The following MFHAS1 variants were observed in gnomAD, a reference collection of about 807,000 sequenced individuals.
The protein encoded by MFHAS1 is malignant fibrous histiocytoma-amplified sequence 1.
A neutral mutation model predicts 70.4 loss-of-function variants in MFHAS1; 50 were observed. The ratio of observed to expected loss-of-function variants is 0.71; its 90% CI spans 0.57 to 0.90. The LOEUF (loss-of-function observed/expected upper bound fraction) is 0.90, where lower values mean the gene tolerates loss of function less well. Ranked by LOEUF, MFHAS1 falls within the 40% of genes least tolerant of loss-of-function variation. The probability of loss-of-function intolerance (pLI) is 0.00; values close to 1 mark genes in which losing one functional copy is unlikely to be tolerated. For synonymous variants in MFHAS1, 952 were observed against 620.0 expected (o/e 1.54, Z -7.96); for missense variants, 1,795 against 1,347.6 (o/e 1.33, Z -5.20).
intron 1 of MFHAS1, among the ~76,000 whole-genome samples, chr8:8,845,889 T>C (rs1039123389): frequency 1.9e-4 from 29 of 152,076 alleles, no homozygotes; most frequent in African/African-American, 6.8e-4. Context: ...AAAACCTTTG[T>C]CTTTACCTCT....
At chr8:8,816,156 T>A (rs979791863) in intron 1 of MFHAS1, among the ~76,000 whole-genome samples, 5 of 152,002 alleles carry the variant, frequency 3.3e-5, no homozygotes, top group African/African-American at 1.2e-4. Flanking sequence ...GGGGTGAGGA[T>A]GGGAGCCAGG....
At chr8:8,858,637 G>A (rs980339848) in intron 1 of MFHAS1, among the ~76,000 whole-genome samples, 4 of 152,006 alleles carry the variant, frequency 2.6e-5, no homozygotes, top group Non-Finnish European at 4.4e-5. Context: ...GTCCTCCCTC[G>A]GTATATATAT....
intron 1 of MFHAS1, among the ~76,000 whole-genome samples, chr8:8,810,706 T>C (rs1306036140): frequency 6.6e-6 from 1 of 152,230 alleles, no homozygotes; most frequent in Non-Finnish European, 1.5e-5. Flanking sequence ...CCGTTAAGGC[T>C]TCCAGTCAAC....
At position 8,891,316 on chromosome 8, in the gene MFHAS1, G is replaced by A; in HGVS notation, c.1743C>T (p.Ala581=). ...RLAKVVDEAL[A]RDFELRSASP... ...TGGCAGAGCGCAGCTCGAAGTCCCG[G>A]GCCAGTGCCTCGTCCACCACCTTGG... The change falls in exon 1 of 3, where the codon GCC becomes GCT. Residue 581 remains alanine, a synonymous_variant. Coordinates refer to ENST00000276282, the MANE Select transcript of MFHAS1 (RefSeq NM_004225.3). The surrounding 1 kb of genome is among the most constrained non-coding windows in gnomAD (Gnocchi z 5.4). 6.2e-7 allele frequency: 1 copy of A among 1,611,276 alleles called. No homozygotes were observed. Among genetic ancestry groups the A allele is most frequent in the Non-Finnish European group, 8.5e-7 (1 of 1,180,034 alleles).
intron 1 of MFHAS1, among the ~76,000 whole-genome samples, chr8:8,871,235 C>T (rs1457650428): frequency 1.3e-5 from 2 of 152,144 alleles, no homozygotes; most frequent in African/African-American, 4.8e-5. Flanking sequence ...CTAATGTTTA[C>T]TGAGCCCTTA....
At chr8:8,824,521 TCACACA>T (rs57194505) in intron 1 of MFHAS1, among the ~76,000 whole-genome samples, 13,709 of 145,976 alleles carry the variant, frequency 0.094, 832 homozygotes, top group African/African-American at 0.16. Flanking sequence ...TCTCTCTCTT[TCACACA>T]CACACACACA....
At chr8:8,811,758 C>T (rs866188392) in intron 1 of MFHAS1, among the ~76,000 whole-genome samples, 7 of 152,316 alleles carry the variant, frequency 4.6e-5, no homozygotes, top group African/African-American at 9.6e-5. Flanking sequence ...TGTTAAAGAA[C>T]GAAACTCATC....
intron 1 of MFHAS1, among the ~76,000 whole-genome samples, chr8:8,801,345 C>G (rs543839117): frequency 2.0e-5 from 3 of 152,314 alleles, no homozygotes; most frequent in African/African-American, 7.2e-5. Context: ...TTATCTCTAG[C>G]AGGACTGCCA....
At chr8:8,837,035 G>T (rs1807622875) in intron 1 of MFHAS1, among the ~76,000 whole-genome samples, 1 of 152,164 alleles carries the variant, frequency 6.6e-6, no homozygotes, top group African/African-American at 2.4e-5. Flanking sequence ...GAACTGGATT[G>T]GGACGTGCAA....
rs925141227 is a variant in MFHAS1 at position 8,785,803 on chromosome 8, A to G, written c.*219T>C. On this transcript the variant is annotated 3_prime_UTR_variant, in exon 3 of 3. Transcript: ENST00000276282. ...TTGGAGGATCACAGTTCTGAGGTTC[A>G]GGTTGTAAAACATTTGCTCCATGTT... 2.0e-6 allele frequency: 1 copy of G among 511,590 alleles called. No homozygotes were observed. The highest frequency in any genetic ancestry group is 3.2e-5 in the Admixed American group (1 of 31,274). The allele number at this position is 511,590 out of a possible 1,614,324, so 31.7% of individuals were successfully genotyped here.
chr8:8,860,598 A>T (rs1808624732), intron 1 of MFHAS1, among the ~76,000 whole-genome samples: 1 of 152,144 alleles, frequency 6.6e-6, no homozygotes, highest in South Asian at 2.1e-4. Flanking sequence ...TGCCACCATC[A>T]CAGCAAACAG....
intron 1 of MFHAS1, among the ~76,000 whole-genome samples, chr8:8,797,975 A>C (rs1275464841): frequency 6.6e-6 from 1 of 152,226 alleles, no homozygotes; most frequent in Non-Finnish European, 1.5e-5. Context: ...AAGTGTTAAA[A>C]ACACAAACAG....
At chr8:8,817,602 C>T (rs1806796092) in intron 1 of MFHAS1, among the ~76,000 whole-genome samples, 1 of 152,228 alleles carries the variant, frequency 6.6e-6, no homozygotes, top group South Asian at 2.1e-4. Flanking sequence ...TGGGGGGGCT[C>T]TCGCCCCTCC....
At chr8:8,801,238 G>C (rs996863857) in intron 1 of MFHAS1, among the ~76,000 whole-genome samples, 1 of 151,884 alleles carries the variant, frequency 6.6e-6, no homozygotes, top group African/African-American at 2.4e-5. Flanking sequence ...AAGAAAGAAA[G>C]AATGTACAGC....
chr8:8,796,414 C>G (rs1410655539), intron 2 of MFHAS1, among the ~76,000 whole-genome samples: 1 of 152,242 alleles, frequency 6.6e-6, no homozygotes, highest in East Asian at 1.9e-4. Context: ...CGTCAAAAAA[C>G]TATTTTCTTT....
In MFHAS1 at chr8:8,786,075, G is replaced by A. The variant is rs1325498538; in HGVS notation, c.3126-20C>T. The A allele has an allele frequency of 2.5e-6, 4 of 1,612,438 alleles. No individual in the cohort carries two copies. Among genetic ancestry groups the A allele is most frequent in the Non-Finnish European group, 3.4e-6 (4 of 1,178,476 alleles). On this transcript the variant is annotated intron_variant, in intron 2 of 2. Coordinates refer to ENST00000276282, the MANE Select transcript of MFHAS1 (RefSeq NM_004225.3). ...TTCTTCCTGTATGGGTGGACAACAA[G>A]AAAGCACAGAGATGACAAAAACGTA...
At chr8:8,887,786 T>G (rs1447367695) in intron 1 of MFHAS1, among the ~76,000 whole-genome samples, 1 of 148,362 alleles carries the variant, frequency 6.7e-6, no homozygotes, top group Non-Finnish European at 1.5e-5. Context: ...TTTCTGCATC[T>G]CAGTACAAGC....
chr8:8,882,569 G>A (rs957148999), intron 1 of MFHAS1, among the ~76,000 whole-genome samples: 1 of 152,036 alleles, frequency 6.6e-6, no homozygotes, highest in Non-Finnish European at 1.5e-5. Flanking sequence ...CTGAGATCGC[G>A]CCATTGCACT....
intron 1 of MFHAS1, among the ~76,000 whole-genome samples, chr8:8,860,215 A>T (rs1445068450): frequency 6.6e-6 from 1 of 152,182 alleles, no homozygotes; most frequent in Non-Finnish European, 1.5e-5. Context: ...ATGGAAACCC[A>T]TCCCACTCAC....
Sources: gnomAD v4.1 joint callset for allele counts (sites outside exome capture counted in the v4.1 genomes callset) on GRCh38, gnomAD v4.1.1 for gene constraint, Gnocchi (gnomAD v3.1) non-coding constraint, MANE v1.5 for transcripts, NCBI Gene and HGNC (gene_info 2026-07-23, HGNC 2026-07-21) for gene names.